Variants in NPHP4 observed in about 807,000 individuals in gnomAD.
The protein encoded by NPHP4 is nephrocystin 4.
NPHP4 carries 151 observed loss-of-function variants against 155.8 expected under a neutral mutation model. That is an observed-to-expected ratio of 0.97 (90% CI 0.85 to 1.11). The LOEUF (loss-of-function observed/expected upper bound fraction) is 1.11, where lower values mean the gene tolerates loss of function less well. Among genes scored for constraint, NPHP4 ranks in the 50% least tolerant of loss-of-function variants. The pLI, the probability that NPHP4 is intolerant of heterozygous loss-of-function variation, is 0.00. For synonymous variants in NPHP4, 845 were observed against 816.8 expected, an observed-to-expected ratio of 1.03 and a Z score of -0.59; for missense variants, 1,956 against 1,925.7, an observed-to-expected ratio of 1.02 and a Z score of -0.29.
intron 16 of NPHP4, among the ~76,000 whole-genome samples, chr1:5,896,952 C>T (rs952276464): frequency 1.3e-5 from 2 of 152,158 alleles, no homozygotes; most frequent in African/African-American, 2.4e-5. Flanking sequence ...ACCGCAGCCA[C>T]GCTCCAAAGA....
chr1:5,924,875 T>A (rs1180580446), intron 11 of NPHP4, among the ~76,000 whole-genome samples: 1 of 152,142 alleles, frequency 6.6e-6, no homozygotes, highest in Non-Finnish European at 1.5e-5. Context: ...AGGCTGGTCT[T>A]GAACTCCTGA....
At chr1:5,964,887 A>C (rs71629758) in intron 5 of NPHP4, among the ~76,000 whole-genome samples, 1 of 141,230 alleles carries the variant, frequency 7.1e-6, no homozygotes, top group East Asian at 2.0e-4. Flanking sequence ...ATATAAATAT[A>C]CTATATATAA....
intron 3 of NPHP4, among the ~76,000 whole-genome samples, chr1:5,973,942 G>A (rs4068400): frequency 0.66 from 99,944 of 151,526 alleles, 32,874 homozygotes; most frequent in East Asian, 0.76. Flanking sequence ...TTGTTGTGAT[G>A]ATGTTCAGGA....
rs188262700 is a variant in NPHP4, at chr1:5,875,088, C to T, written c.2830G>A (p.Val944Ile). Residue 944 changes from valine to isoleucine, a missense_variant, in exon 21 of 30, where the codon GTC becomes ATC. Val to Ile is a conservative substitution (Grantham distance 29). Transcript: ENST00000378156. The stretch of plus-strand genomic sequence containing the variant: ...AGGTCCCGCAAGTGCTGTGTGCGGA[C>T]GCTCTGCTGCGCCTGCAGACAAGAG... ...RGTSVLAQQS[V>I]RTQHLRDLQV... 158 of 1,602,178 alleles carry T rather than the reference C, an allele frequency of 9.9e-5. No homozygotes were observed. Among genetic ancestry groups the T allele is most frequent in the East Asian group, 2.7e-4 (12 of 44,722 alleles).
At position 5,867,085 on chromosome 1, in the gene NPHP4, G is replaced by A. The variant is rs776487293; in HGVS notation, c.3503C>T (p.Pro1168Leu). 3 of 1,612,842 alleles carry A rather than the reference G, an allele frequency of 1.9e-6. No homozygotes were observed. In the African/African-American group the frequency reaches 4.0e-5, roughly 22 times the overall value. ...GAPVGMLGED[P>L]PVHVRCSDPN... ...GTCGCTGCAGCGAACATGGACTGGG[G>A]GGTCCTCACCAAGCATTCCCACCGG... Residue 1168 changes from proline (P) to leucine (L), a missense_variant, in exon 25 of 30, where the codon CCC becomes CTC. Physicochemically the swap from Pro to Leu is moderately conservative, Grantham distance 98 (BLOSUM62 -3). Transcript: ENST00000378156. The surrounding 1 kb of genome is among the most constrained non-coding windows in gnomAD (Gnocchi z 4.1).
Position 5,864,530 on chromosome 1 carries a change from G to C in NPHP4, c.3817-13C>G, listed in dbSNP as rs747952853. ...CTTTGGGGTCTGTCTTCAAGAGCGA[G>C]AGAGGCGGGTCAGAGCACAGCCTCT... is the stretch of plus-strand genomic sequence containing the variant. On this transcript the variant is annotated splice_polypyrimidine_tract_variant and intron_variant, in intron 27 of 29. Coordinates refer to ENST00000378156, the MANE Select transcript of NPHP4 (RefSeq NM_015102.5). The C allele has an allele frequency of 6.5e-7, 1 of 1,527,716 alleles. No individual in the cohort carries two copies. The highest frequency in any genetic ancestry group is 1.2e-5 in the South Asian group (1 of 80,738). The allele number at this position is 1,527,716 out of a possible 1,614,324, so 94.6% of individuals were successfully genotyped here.
intron 2 of NPHP4, among the ~76,000 whole-genome samples, chr1:5,982,675 T>C (rs1041847274): frequency 6.6e-6 from 1 of 152,276 alleles, no homozygotes; most frequent in Non-Finnish European, 1.5e-5. Flanking sequence ...TTTTCTAATA[T>C]AGTCATGTAA....
chr1:5,910,901 C>T lies in NPHP4; in HGVS notation c.1442-1688G>A, dbSNP rs1645148574. ...GGCATTGGGGCAAGGCCAGAGGGAG[C>T]CCCCAACCCTCAGAGGATCCAACTG... On this transcript the variant is annotated intron_variant, in intron 11 of 29. Coordinates refer to ENST00000378156, the MANE Select transcript of NPHP4 (RefSeq NM_015102.5). The surrounding 1 kb of genome is among the most constrained non-coding windows in gnomAD (Gnocchi z 5.4). Among the ~76,000 whole-genome samples the T allele has an allele frequency of 1.3e-5, 2 of 152,204 alleles. No individual in the cohort carries two copies. The highest frequency in any genetic ancestry group is 4.8e-5 in the African/African-American group (2 of 41,452).
At chr1:5,942,559 A>G (rs1266872180) in intron 9 of NPHP4, among the ~76,000 whole-genome samples, 1 of 145,044 alleles carries the variant, frequency 6.9e-6, no homozygotes, top group Non-Finnish European at 1.5e-5. Flanking sequence ...AAAGGAGACT[A>G]AAATATTAAA....
intron 23 of NPHP4, among the ~76,000 whole-genome samples, chr1:5,870,013 G>C (rs1316774344): frequency 1.3e-5 from 2 of 152,212 alleles, no homozygotes; most frequent in Admixed American, 1.3e-4. Context: ...GTGTATGTAT[G>C]TATCTGCACC....
intron 6 of NPHP4, among the ~76,000 whole-genome samples, chr1:5,955,526 A>G (rs1045432844): frequency 2.6e-5 from 4 of 152,266 alleles, no homozygotes; most frequent in African/African-American, 9.6e-5. Flanking sequence ...AAAGTAGTGT[A>G]TCTACACAAT....
chr1:5,986,369 C>T, intron 1 of NPHP4, 42 bp from the exon 2 acceptor site: 2 of 1,519,602 alleles, frequency 1.3e-6, no homozygotes, highest in South Asian at 1.2e-5. Flanking sequence ...GCTGTGAGGG[C>T]TACAGTGGTC....
chr1:5,979,953 C>T lies in NPHP4; in HGVS notation c.136-1540G>A, dbSNP rs1175261777. On this transcript the variant is annotated intron_variant, in intron 2 of 29. Transcript: ENST00000378156. ...AGAATGTGTCTGACATGAAAACCAA[C>T]CCGTCCAGAGACCACATGCCCCACT... 3.3e-5 allele frequency among the ~76,000 whole-genome samples: 5 copies of T among 152,254 alleles called. No homozygotes were observed. In the East Asian group the frequency reaches 9.6e-4, roughly 29 times the overall value.
intron 27 of NPHP4, 61 bp downstream of exon 27, chr1:5,865,041 A>C (rs559611708): frequency 3.6e-5 from 56 of 1,550,840 alleles, no homozygotes. Context: ...CTGAATGCCC[A>C]CTGCCCGTCT....
intron 6 of NPHP4, among the ~76,000 whole-genome samples, chr1:5,955,971 T>C (rs903100481): frequency 2.1e-5 from 3 of 146,058 alleles, no homozygotes; most frequent in Non-Finnish European, 3.0e-5. Context: ...CTACAACACA[T>C]ACGTGTACTG....
At chr1:5,869,087 ACACATGCACACATGCATGCACC>A (rs917506673) in intron 23 of NPHP4, among the ~76,000 whole-genome samples, 19 of 145,596 alleles carry the variant, frequency 1.3e-4, no homozygotes, top group African/African-American at 4.9e-4. Flanking sequence ...GCATGCACCC[ACACATGCACACATGCATGCACC>A]CACATGCACA....
At chr1:5,926,480 T>G (rs1557752399) in intron 11 of NPHP4, among the ~76,000 whole-genome samples, 1 of 152,236 alleles carries the variant, frequency 6.6e-6, no homozygotes, top group Non-Finnish European at 1.5e-5. Context: ...TTTTTAAATG[T>G]GTCTGCACTG....
intron 16 of NPHP4, among the ~76,000 whole-genome samples, chr1:5,899,654 T>C (rs1644574009): frequency 6.6e-6 from 1 of 152,154 alleles, no homozygotes; most frequent in African/African-American, 2.4e-5. Context: ...CACAAAACTA[T>C]ACAACTCCTA....
chr1:5,900,550 G>A (rs1644621616), intron 16 of NPHP4, among the ~76,000 whole-genome samples: 1 of 152,140 alleles, frequency 6.6e-6, no homozygotes, highest in Non-Finnish European at 1.5e-5. Flanking sequence ...GGGGAGGAGG[G>A]GAGGGCTAAA....
Sources: allele counts gnomAD v4.1 joint callset (sites outside exome capture counted in the v4.1 genomes callset), GRCh38; gene constraint gnomAD v4.1.1; non-coding constraint Gnocchi (gnomAD v3.1); transcripts MANE v1.5; gene names NCBI Gene and HGNC (gene_info 2026-07-23, HGNC 2026-07-21).